ADORA1: variants seen among roughly 807,000 people sequenced by gnomAD.
ADORA1 encodes the protein adenosine receptor A1.
ADORA1 carries 6 observed loss-of-function variants against 19.9 expected under a neutral mutation model. The observed-to-expected ratio is 0.30, with a 90% CI of 0.17 to 0.59. The LOEUF is 0.59. Ranked by LOEUF, ADORA1 falls within the 20% of genes least tolerant of loss-of-function variation. The pLI, the probability that ADORA1 is intolerant of heterozygous loss-of-function variation, is 0.87. For synonymous variants in ADORA1, 194 were observed against 188.4 expected (o/e 1.03, Z -0.24); for missense variants, 302 against 439.2 (o/e 0.69, Z 2.79).
intron 3 of ADORA1, among the ~76,000 whole-genome samples, chr1:203,133,279 C>T (rs529019541): frequency 3.9e-5 from 6 of 152,116 alleles, no homozygotes; most frequent in African/African-American, 1.4e-4. Flanking sequence ...ATGCCCAGCT[C>T]ATTTTTTGTA....
intron 3 of ADORA1, among the ~76,000 whole-genome samples, chr1:203,150,960 G>T (rs187411578): frequency 6.6e-6 from 1 of 152,276 alleles, no homozygotes; most frequent in East Asian, 1.9e-4. Context: ...ACCTCCTCTT[G>T]TCACTCCAGA....
intron 3 of ADORA1, among the ~76,000 whole-genome samples, chr1:203,148,691 G>C (rs910484454): frequency 2.0e-5 from 3 of 152,184 alleles, no homozygotes; most frequent in African/African-American, 4.8e-5. Flanking sequence ...AGGCCCTGGG[G>C]TTGGACCTTC....
intron 3 of ADORA1, among the ~76,000 whole-genome samples, chr1:203,157,851 G>A (rs1269239407): frequency 6.6e-6 from 1 of 152,194 alleles, no homozygotes; most frequent in Non-Finnish European, 1.5e-5. Flanking sequence ...GCCCTGGGCA[G>A]CAGAGGCCTG....
chr1:203,155,326 G>C lies in ADORA1; in HGVS notation c.342-9935G>C, dbSNP rs570883366. 1.4e-4 allele frequency among the ~76,000 whole-genome samples: 22 copies of C among 152,308 alleles called. No homozygotes were observed. The South Asian group carries it at 3.9e-3, about 27-fold the overall frequency. ...CAAAGTGCTGGGATTACAGGCATGAGCCACCGTGCCCAGACAGCTCTTCCT... is the reference window on the plus strand; with the variant it reads ...CAAAGTGCTGGGATTACAGGCATGACCCACCGTGCCCAGACAGCTCTTCCT... On this transcript the variant is annotated intron_variant, in intron 3 of 3. Transcript: ENST00000337894.
intron 3 of ADORA1, among the ~76,000 whole-genome samples, chr1:203,156,450 G>A (rs1655201850): frequency 6.6e-6 from 1 of 152,178 alleles, no homozygotes; most frequent in Non-Finnish European, 1.5e-5. Context: ...TGAGGTAGGA[G>A]AGTGCCCCAG....
chr1:203,151,647 C>T (rs4950925), intron 3 of ADORA1, among the ~76,000 whole-genome samples: 42,152 of 151,784 alleles, frequency 0.28, 7,523 homozygotes, highest in Non-Finnish European at 0.4. Context: ...GGGGGCCTGC[C>T]AAGCCAACCT....
At chr1:203,164,148 C>A (rs3766552) in intron 3 of ADORA1, among the ~76,000 whole-genome samples, 1 of 152,156 alleles carries the variant, frequency 6.6e-6, no homozygotes, top group Non-Finnish European at 1.5e-5. Context: ...TTGTGGCTCA[C>A]GAGCAGCCTC....
rs566209157 is a variant in ADORA1 at position 203,162,936 on chromosome 1, A to G, written c.342-2325A>G. Among the ~76,000 whole-genome samples, 195 of 152,264 alleles carry G rather than the reference A, an allele frequency of 1.3e-3. 1 individual carries two copies. Among genetic ancestry groups the G allele is most frequent in the African/African-American group, 4.6e-3 (191 of 41,546 alleles). On this transcript the variant is annotated intron_variant, in intron 3 of 3. Coordinates refer to ENST00000337894, the MANE Select transcript of ADORA1 (RefSeq NM_000674.3). ...CAGCTCGCTTTCCCTGCTGAGGTTC[A>G]CCTGGGGATCTGGCCCCACTCTCCG...
At chr1:203,143,847 G>C (rs1654775161) in intron 3 of ADORA1, among the ~76,000 whole-genome samples, 1 of 152,222 alleles carries the variant, frequency 6.6e-6, no homozygotes, top group Non-Finnish European at 1.5e-5. Flanking sequence ...TCCACAGTCA[G>C]TGTGGAGACA....
rs200559951 is a variant in ADORA1 at position 203,165,306 on chromosome 1, C to T, written c.387C>T (p.Ala129=). ...VTPRRAAVAI[A]GCWILSFVVG... ...CCCGGAGGGCGGCGGTGGCCATAGC[C>T]GGCTGCTGGATCCTCTCCTTCGTGG... Residue 129 remains alanine (A), a synonymous_variant, in exon 4 of 4, where the codon GCC becomes GCT. Transcript: ENST00000337894. This position sits in a 1 kb window ranked among gnomAD's most constrained non-coding sequence, Gnocchi z 5.9. 143 of 1,568,562 alleles carry T rather than the reference C, an allele frequency of 9.1e-5. No individual in the cohort carries two copies. The highest frequency in any genetic ancestry group is 1.1e-4 in the Non-Finnish European group (128 of 1,157,442).
chr1:203,153,767 C>T (rs1655110475), intron 3 of ADORA1, among the ~76,000 whole-genome samples: 1 of 152,128 alleles, frequency 6.6e-6, no homozygotes, highest in Non-Finnish European at 1.5e-5. Context: ...TGGAGTGTGC[C>T]CAGCACCTTT....
intron 3 of ADORA1, among the ~76,000 whole-genome samples, chr1:203,139,811 G>A (rs139865048): frequency 5.3e-5 from 8 of 152,272 alleles, no homozygotes; most frequent in Non-Finnish European, 8.8e-5. Context: ...AAAGGGAGCC[G>A]TGCTGGTATT....
intron 3 of ADORA1, among the ~76,000 whole-genome samples, chr1:203,144,172 C>T (rs1276189124): frequency 6.6e-6 from 1 of 151,300 alleles, no homozygotes; most frequent in Non-Finnish European, 1.5e-5. Flanking sequence ...ACACTCAGCT[C>T]AGATGACACC....
At chr1:203,145,243 G>C (rs191694322) in intron 3 of ADORA1, among the ~76,000 whole-genome samples, 135 of 152,332 alleles carry the variant, frequency 8.9e-4, no homozygotes, top group African/African-American at 2.9e-3. Flanking sequence ...GACTGGCCAG[G>C]GGACGAGAAA....
intron 3 of ADORA1, among the ~76,000 whole-genome samples, chr1:203,131,238 G>A (rs1353378997): frequency 1.3e-5 from 2 of 152,164 alleles, no homozygotes; most frequent in East Asian, 3.9e-4. Flanking sequence ...GTGTCATTCG[G>A]TGTCAACACA....
chr1:203,133,154 C>T (rs1342070658), intron 3 of ADORA1, among the ~76,000 whole-genome samples: 3 of 150,498 alleles, frequency 2.0e-5, no homozygotes, highest in Non-Finnish European at 2.9e-5. Flanking sequence ...CATTCTGTCG[C>T]CCAGGCTGGA....
chr1:203,154,121 G>A (rs557289629), intron 3 of ADORA1, among the ~76,000 whole-genome samples: 1 of 152,290 alleles, frequency 6.6e-6, no homozygotes, highest in East Asian at 1.9e-4. Flanking sequence ...AAACAGGGAC[G>A]GCCAGGCCTG....
intron 3 of ADORA1, among the ~76,000 whole-genome samples, chr1:203,129,909 T>A (rs1558125540): frequency 6.6e-6 from 1 of 152,032 alleles, no homozygotes; most frequent in Non-Finnish European, 1.5e-5. Context: ...CAGGCAGCAC[T>A]GGGATGGGTG....
chr1:203,128,868 G>A lies in ADORA1; in HGVS notation c.27G>A (p.Gln9=), dbSNP rs1402198903. Residue 9 remains glutamine, a synonymous_variant, in exon 3 of 4, where the codon CAG becomes CAA. Transcript: ENST00000337894. This position sits in a 1 kb window ranked among gnomAD's most constrained non-coding sequence, Gnocchi z 5.9. MPPSISAF[Q]AAYIGIEVLI... Reference sequence around the variant, plus strand: ...TGCCGCCCTCCATCTCAGCTTTCCAGGCCGCCTACATCGGCATCGAGGTGC... The same window carrying A: ...TGCCGCCCTCCATCTCAGCTTTCCAAGCCGCCTACATCGGCATCGAGGTGC... 1 of 1,606,596 alleles carries A rather than the reference G, an allele frequency of 6.2e-7. No individual in the cohort carries two copies. Among genetic ancestry groups the A allele is most frequent in the African/African-American group, 1.3e-5 (1 of 74,886 alleles).
Sources: gnomAD v4.1 joint callset for allele counts (sites outside exome capture counted in the v4.1 genomes callset) on GRCh38, gnomAD v4.1.1 for gene constraint, Gnocchi (gnomAD v3.1) non-coding constraint, MANE v1.5 for transcripts, NCBI Gene and HGNC (gene_info 2026-07-23, HGNC 2026-07-21) for gene names.